MCPH1: variants seen among roughly 807,000 people sequenced by gnomAD.
MCPH1 encodes the protein microcephalin 1.
In MCPH1, 104 loss-of-function variants were observed where a neutral mutation model predicts 84.5. That is an observed-to-expected ratio of 1.23 (90% CI 1.05 to 1.45). The LOEUF is 1.45. Among genes scored for constraint, MCPH1 ranks in the 40% most tolerant of loss-of-function variants. MCPH1 has a pLI of 0.00. For missense variants in MCPH1, 1,498 were observed against 1,005.7 expected (o/e 1.49, Z -6.62); for synonymous variants, 514 against 366.8 (o/e 1.40, Z -4.58).
At position 6,480,662 on chromosome 8, in the gene MCPH1, G is replaced by A. The variant is rs1334723906; in HGVS notation, c.1974-52G>A. On this transcript the variant is annotated intron_variant, in intron 10 of 13. Transcript: ENST00000344683. The stretch of plus-strand genomic sequence containing the variant: ...AATATTGAGTGTAACTGCTTTGATG[G>A]GCATGTGCAACAAAGTCATTCATTT... The A allele has an allele frequency of 2.5e-6, 4 of 1,600,608 alleles. No individual in the cohort carries two copies. In the African/African-American group the frequency reaches 5.4e-5, roughly 21 times the overall value.
intron 1 of MCPH1, among the ~76,000 whole-genome samples, chr8:6,408,548 T>C (rs935573791): frequency 2.6e-5 from 4 of 151,952 alleles, no homozygotes; most frequent in African/African-American, 7.3e-5. Context: ...TTTACTTTTC[T>C]TATTTTTGAG....
At chr8:6,520,581 A>C (rs1817129618) in intron 12 of MCPH1, among the ~76,000 whole-genome samples, 1 of 152,114 alleles carries the variant, frequency 6.6e-6, no homozygotes, top group African/African-American at 2.4e-5. Context: ...TTTTTAGTAG[A>C]GACAGGATTT....
intron 3 of MCPH1, among the ~76,000 whole-genome samples, chr8:6,419,122 TACACATAC>T (rs1799757117): frequency 7.6e-6 from 1 of 131,574 alleles, no homozygotes; most frequent in Non-Finnish European, 1.5e-5. Flanking sequence ...TATATTTATA[TACACATAC>T]ACACACACAC....
At chr8:6,637,650 CTGTT>C (rs1303578319) in intron 13 of MCPH1, among the ~76,000 whole-genome samples, 2 of 152,112 alleles carry the variant, frequency 1.3e-5, no homozygotes, top group Non-Finnish European at 2.9e-5. Flanking sequence ...TTTGTTTACT[CTGTT>C]TGTGTTTATT....
At chr8:6,490,107 C>G (rs892684716) in intron 11 of MCPH1, among the ~76,000 whole-genome samples, 4 of 151,986 alleles carry the variant, frequency 2.6e-5, no homozygotes, top group Admixed American at 6.6e-5. Flanking sequence ...ACCTCCAGGA[C>G]GTCAACTTGG....
chr8:6,513,981 C>G, intron 12 of MCPH1: 1 of 834,588 alleles, frequency 1.2e-6, no homozygotes, highest in South Asian at 2.0e-5. Flanking sequence ...AATTTAGGGT[C>G]CTTCCCAAAG....
At chr8:6,498,280 C>A (rs923485458) in intron 11 of MCPH1, among the ~76,000 whole-genome samples, 7 of 152,292 alleles carry the variant, frequency 4.6e-5, no homozygotes, top group Admixed American at 3.9e-4. Flanking sequence ...ACAGCCTTAC[C>A]TGTGCTCTTT....
intron 5 of MCPH1, among the ~76,000 whole-genome samples, chr8:6,438,008 A>T (rs1056410891): frequency 6.6e-6 from 1 of 152,156 alleles, no homozygotes; most frequent in African/African-American, 2.4e-5. Context: ...TCCCAAGGAA[A>T]AATATTCAGG....
At chr8:6,623,704 A>C (rs1409216161) in intron 13 of MCPH1, among the ~76,000 whole-genome samples, 8 of 6,242 alleles carry the variant, frequency 1.3e-3, no homozygotes, top group African/African-American at 4.6e-3. Flanking sequence ...AAAAAAAAAA[A>C]AAAAAAAAAA....
chr8:6,525,929 G>C (rs17077327), intron 12 of MCPH1, among the ~76,000 whole-genome samples: 1,762 of 152,220 alleles, frequency 0.012, 39 homozygotes, highest in African/African-American at 0.04. Flanking sequence ...GGTAGTTTTA[G>C]CATTGTAGCA....
At chr8:6,453,730 G>A (rs1272671888) in intron 8 of MCPH1, among the ~76,000 whole-genome samples, 1 of 152,134 alleles carries the variant, frequency 6.6e-6, no homozygotes, top group Non-Finnish European at 1.5e-5. Flanking sequence ...TCTTAAAGAC[G>A]ATAGGAGATT....
chr8:6,610,003 C>T (rs1012949922), intron 12 of MCPH1, among the ~76,000 whole-genome samples: 5 of 152,190 alleles, frequency 3.3e-5, no homozygotes, highest in East Asian at 1.9e-4. Context: ...AAAGCAAGGC[C>T]GATTATATAA....
At chr8:6,511,612 G>T (rs995191343) in intron 12 of MCPH1, among the ~76,000 whole-genome samples, 6 of 152,226 alleles carry the variant, frequency 3.9e-5, no homozygotes, top group African/African-American at 1.4e-4. Context: ...GCAGTTATGA[G>T]AAGTTTCAGT....
intron 12 of MCPH1, among the ~76,000 whole-genome samples, chr8:6,605,738 C>T (rs1384827762): frequency 1.3e-5 from 2 of 152,084 alleles, no homozygotes; most frequent in Non-Finnish European, 1.5e-5. Context: ...CACTCTGTCA[C>T]CCAGGCTGGA....
intron 12 of MCPH1, among the ~76,000 whole-genome samples, chr8:6,598,664 G>GTGAGCC (rs1334826972): frequency 6.6e-6 from 1 of 152,248 alleles, no homozygotes; most frequent in Non-Finnish European, 1.5e-5. Context: ...AACCTCTCGT[G>GTGAGCC]TGAGCCGGCG....
At chr8:6,456,771 C>T (rs188615195) in intron 9 of MCPH1, among the ~76,000 whole-genome samples, 23 of 152,070 alleles carry the variant, frequency 1.5e-4, no homozygotes, top group African/African-American at 5.5e-4. Flanking sequence ...TTCTCATTTG[C>T]CCACAGTGGA....
At chr8:6,418,904 G>T (rs1274793349) in intron 3 of MCPH1, among the ~76,000 whole-genome samples, 2 of 152,044 alleles carry the variant, frequency 1.3e-5, no homozygotes, top group South Asian at 2.1e-4. Context: ...AAGACTCATG[G>T]CTTTACTGTA....
intron 12 of MCPH1, among the ~76,000 whole-genome samples, chr8:6,571,376 CTTATTTG>C (rs1478264842): frequency 6.6e-6 from 1 of 152,124 alleles, no homozygotes; most frequent in Non-Finnish European, 1.5e-5. Context: ...TTGAGGTGGG[CTTATTTG>C]TTATAAGTCA....
At chr8:6,436,718 C>A (rs533855996) in intron 5 of MCPH1, among the ~76,000 whole-genome samples, 2 of 151,504 alleles carry the variant, frequency 1.3e-5, no homozygotes, top group South Asian at 4.2e-4. Context: ...GCCTGTAATC[C>A]CAGCACTTTG....
Sources: allele counts gnomAD v4.1 joint callset (sites outside exome capture counted in the v4.1 genomes callset), GRCh38; gene constraint gnomAD v4.1.1; transcripts MANE v1.5; gene names NCBI Gene and HGNC (gene_info 2026-07-23, HGNC 2026-07-21).